The following EDNRA variants were observed in gnomAD, a reference collection of about 807,000 sequenced individuals.
EDNRA encodes the protein endothelin receptor type A, also known as endothelin-1 receptor.
A neutral mutation model predicts 41.4 loss-of-function variants in EDNRA; 11 were observed. The ratio of observed to expected loss-of-function variants is 0.27; its 90% CI spans 0.17 to 0.44. EDNRA has a LOEUF of 0.44. Among genes scored for constraint, EDNRA ranks in the 20% least tolerant of loss-of-function variants. EDNRA has a pLI of 1.00. For missense variants in EDNRA, 294 were observed against 531.0 expected (o/e 0.55, Z 4.39); for synonymous variants, 172 against 183.0 (o/e 0.94, Z 0.49).
chr4:147,541,555 T>A (rs1731104336), intron 7 of EDNRA, among the ~76,000 whole-genome samples: 1 of 152,178 alleles, frequency 6.6e-6, no homozygotes, highest in South Asian at 2.1e-4. Flanking sequence ...ATAAGGAGGG[T>A]AATATATGTA....
Position 147,542,627 on chromosome 4 carries a change from A to T in EDNRA, c.*9A>T, listed in dbSNP as rs200476599. 86 of 1,613,610 alleles carry T rather than the reference A, an allele frequency of 5.3e-5. No homozygotes were observed. The highest frequency in any genetic ancestry group is 7.0e-5 in the Non-Finnish European group (83 of 1,179,844). ...AGGACAGCATGAACTGACCACCCTT[A>T]GAAGCACTCCTCGGTACTCCCATAA... On this transcript the variant is annotated 3_prime_UTR_variant, in exon 8 of 8. Coordinates refer to ENST00000651419, the MANE Select transcript of EDNRA (RefSeq NM_001957.4).
chr4:147,532,438 C>T, intron 3 of EDNRA, 68 bp from the exon 4 acceptor site: 1 of 1,417,968 alleles, frequency 7.1e-7, no homozygotes, highest in Non-Finnish European at 9.9e-7. Flanking sequence ...CCAGCACTTA[C>T]AATTTTTGTT....
intron 3 of EDNRA, among the ~76,000 whole-genome samples, chr4:147,529,148 G>T (rs902384209): frequency 6.6e-6 from 1 of 152,324 alleles, no homozygotes; most frequent in African/African-American, 2.4e-5. Flanking sequence ...AGGATTGGAT[G>T]TGTGGTGGAA....
intron 2 of EDNRA, among the ~76,000 whole-genome samples, chr4:147,510,229 A>C (rs1560904394): frequency 6.6e-6 from 1 of 152,208 alleles, no homozygotes. Context: ...TCTCAAGAAA[A>C]TGGCAAAAGA....
Position 147,505,326 on chromosome 4 carries a change from C to CTTTTTTT in EDNRA, c.421-14525_421-14524insTTTTTTT, listed in dbSNP as rs1729660192. 3.4e-4 allele frequency among the ~76,000 whole-genome samples: 28 copies of CTTTTTTT among 81,994 alleles called. 2 individuals carry two copies. The highest frequency in any genetic ancestry group is 1.2e-3 in the African/African-American group (23 of 18,410). The allele number at this position is 81,994 out of a possible 152,430, so 53.8% of individuals were successfully genotyped here. ...AAGAGAGTTTGGCAGTTTCTTTTTTCATTTTTTTTTTTTTTTTTTTTTTTT... is the reference window on the plus strand; with the variant it reads ...AAGAGAGTTTGGCAGTTTCTTTTTTCTTTTTTTATTTTTTTTTTTTTTTTTTTTTTTT... On this transcript the variant is annotated intron_variant, in intron 2 of 7. Transcript: ENST00000651419.
chr4:147,499,856 G>A (rs2126406149), intron 2 of EDNRA, among the ~76,000 whole-genome samples: 1 of 137,226 alleles, frequency 7.3e-6, no homozygotes, highest in South Asian at 2.4e-4. Flanking sequence ...CCAGGCTGGA[G>A]TGCAGTAATG....
chr4:147,529,545 A>G (rs1730673205), intron 3 of EDNRA, among the ~76,000 whole-genome samples: 1 of 152,162 alleles, frequency 6.6e-6, no homozygotes, highest in South Asian at 2.1e-4. Context: ...AGTCAGAAGG[A>G]AAACTGGGAG....
chr4:147,516,905 C>T, intron 2 of EDNRA, among the ~76,000 whole-genome samples: 1 of 151,960 alleles, frequency 6.6e-6, no homozygotes, highest in Admixed American at 6.6e-5. Flanking sequence ...AATAGAATTG[C>T]TCTCCAGAAA....
chr4:147,512,720 C>T (rs1300133331), intron 2 of EDNRA, among the ~76,000 whole-genome samples: 2 of 152,170 alleles, frequency 1.3e-5, no homozygotes, highest in African/African-American at 2.4e-5. Context: ...CAAAGTCACC[C>T]GAGCCTGTTC....
chr4:147,485,500 A>G, intron 1 of EDNRA, 112 bp from the exon 2 acceptor site: 1 of 741,458 alleles, frequency 1.3e-6, no homozygotes, highest in Non-Finnish European at 2.1e-6. Flanking sequence ...CATATATCTT[A>G]TCTAATCACC....
At chr4:147,521,357 T>G (rs1730316917) in intron 3 of EDNRA, among the ~76,000 whole-genome samples, 2 of 152,228 alleles carry the variant, frequency 1.3e-5, no homozygotes, top group Admixed American at 6.5e-5. Context: ...TATCATCTAT[T>G]AATAATACCC....
chr4:147,524,307 C>A (rs994858767), intron 3 of EDNRA, among the ~76,000 whole-genome samples: 1 of 151,958 alleles, frequency 6.6e-6, no homozygotes, highest in Non-Finnish European at 1.5e-5. Flanking sequence ...CAGTCATGCC[C>A]AGTGTTGAGT....
chr4:147,497,649 A>G (rs1349059935), intron 2 of EDNRA, among the ~76,000 whole-genome samples: 9 of 151,540 alleles, frequency 5.9e-5, no homozygotes, highest in South Asian at 2.1e-4. Context: ...TTGGCTCACT[A>G]CAAGCTCCGC....
Position 147,536,164 on chromosome 4 carries a change from A to G in EDNRA, c.900+135A>G, listed in dbSNP as rs535888356. On this transcript the variant is annotated intron_variant, in intron 5 of 7. Transcript: ENST00000651419. ...ATACTATCCTGTAACTGTTTTCTTTATAGTAATAGTGTTAGAAATTTCTTT... is the reference window on the plus strand; with the variant it reads ...ATACTATCCTGTAACTGTTTTCTTTGTAGTAATAGTGTTAGAAATTTCTTT... 99 of 1,105,190 alleles carry G rather than the reference A, an allele frequency of 9.0e-5. No individual in the cohort carries two copies. The African/African-American group carries it at 1.4e-3, about 16-fold the overall frequency. 68.5% of individuals were successfully genotyped at this position (1,105,190 alleles called of 1,614,324 possible).
intron 2 of EDNRA, among the ~76,000 whole-genome samples, chr4:147,497,573 T>C (rs1264110520): frequency 6.6e-6 from 1 of 152,020 alleles, no homozygotes; most frequent in Non-Finnish European, 1.5e-5. Context: ...AAGTATTTTC[T>C]TGGACTTTTT....
chr4:147,501,216 A>G (rs970808986), intron 2 of EDNRA, among the ~76,000 whole-genome samples: 1 of 152,244 alleles, frequency 6.6e-6, no homozygotes, highest in Non-Finnish European at 1.5e-5. Flanking sequence ...GAGAAAAGTA[A>G]GTGCCTGAGG....
At position 147,485,722 on chromosome 4, in the gene EDNRA, T is replaced by G; in HGVS notation, c.41T>G (p.Leu14Arg). 2 of 1,613,146 alleles carry G rather than the reference T, an allele frequency of 1.2e-6. No homozygotes were observed. The highest frequency in any genetic ancestry group is 1.7e-6 in the Non-Finnish European group (2 of 1,179,400). Residue 14 changes from leucine (L) to arginine (R), a missense_variant, in exon 2 of 8, where the codon CTG becomes CGG. Leu to Arg is a moderately radical substitution (Grantham distance 102, BLOSUM62 -2). Around this residue, in one of 3 missense-constraint regions of EDNRA, gnomAD observed 90 missense variants for 122.8 expected, o/e 0.73. Transcript: ENST00000651419. ...LCLRASFWLALVGCVISDNPE... is the reference protein window; with the variant it reads ...LCLRASFWLARVGCVISDNPE... ...CTCAGGGCATCCTTTTGGCTGGCAC[T>G]GGTTGGATGTGTAATCAGTGATAAT...
intron 2 of EDNRA, among the ~76,000 whole-genome samples, chr4:147,517,826 T>C (rs1334932351): frequency 6.6e-6 from 1 of 152,194 alleles, no homozygotes; most frequent in Non-Finnish European, 1.5e-5. Flanking sequence ...AGGAAGCATG[T>C]AAAAGGAAAA....
At chr4:147,532,461 A>G (rs1312682529) in intron 3 of EDNRA, 45 bp from the exon 4 acceptor site, 1 of 1,578,362 alleles carries the variant, frequency 6.3e-7, no homozygotes, top group African/African-American at 1.4e-5. Context: ...ATTGAAATAC[A>G]TTTAAAATTT....
Sources: allele counts gnomAD v4.1 joint callset (sites outside exome capture counted in the v4.1 genomes callset), GRCh38; gene constraint gnomAD v4.1.1; regional missense constraint gnomAD v4.1.1; transcripts MANE v1.5; gene names NCBI Gene and HGNC (gene_info 2026-07-23, HGNC 2026-07-21).